Variants in LCP1 observed in about 807,000 individuals in gnomAD.
LCP1 encodes plastin-2.
Under a neutral mutation model 72.0 loss-of-function variants are expected in LCP1, and 23 were observed. The observed-to-expected ratio is 0.32, with a 90% CI of 0.23 to 0.45. LCP1 has a LOEUF of 0.45. Among genes scored for constraint, LCP1 ranks in the 20% least tolerant of loss-of-function variants. LCP1 has a pLI of 1.00. For synonymous variants in LCP1, 245 were observed against 275.4 expected, an observed-to-expected ratio of 0.89 and a Z score of 1.09; for missense variants, 571 against 748.3, an observed-to-expected ratio of 0.76 and a Z score of 2.76.
At chr13:46,177,297 TATC>T (rs2045936001) in intron 1 of LCP1, among the ~76,000 whole-genome samples, 1 of 152,250 alleles carries the variant, frequency 6.6e-6, no homozygotes, top group Admixed American at 6.5e-5. Flanking sequence ...TATTCATGTC[TATC>T]AGTCACAACA....
chr13:46,151,730 A>G (rs1206151493), intron 7 of LCP1, among the ~76,000 whole-genome samples: 3 of 152,234 alleles, frequency 2.0e-5, no homozygotes, highest in African/African-American at 7.2e-5. Context: ...ATAATATTTC[A>G]GGATTTTTCA....
chr13:46,167,907 A>C (rs1226725618), intron 1 of LCP1, among the ~76,000 whole-genome samples: 4 of 152,256 alleles, frequency 2.6e-5, no homozygotes, highest in Non-Finnish European at 4.4e-5. Flanking sequence ...TGCAATGAAA[A>C]GAGTTCTGAC....
At position 46,148,420 on chromosome 13, in the gene LCP1, C is replaced by T. The variant is rs1239396391; in HGVS notation, c.910G>A (p.Glu304Lys). ...TCATCTCCTTTTGGAGCCACCTGCT[C>T]AAGCAGGTGGTAATAAGCTTTTGAG... ...KDSKAYYHLL[E>K]QVAPKGDEEG... Residue 304 changes from glutamate to lysine, a missense_variant, in exon 9 of 16, where the codon GAG becomes AAG. Physicochemically the swap from Glu to Lys is moderately conservative, Grantham distance 56. Transcript: ENST00000323076. 2.5e-6 allele frequency: 4 copies of T among 1,611,318 alleles called. No individual in the cohort carries two copies. The highest frequency in any genetic ancestry group is 1.1e-5 in the South Asian group (1 of 90,998).
At chr13:46,158,786 A>G (rs2138261988) in intron 3 of LCP1, 40 bp downstream of exon 3, 1 of 1,606,590 alleles carries the variant, frequency 6.2e-7, no homozygotes, top group Non-Finnish European at 8.5e-7. Flanking sequence ...TCAAGTTCCA[A>G]GTTTCAAATG....
At chr13:46,148,495 C>A (rs1229713085) in intron 8 of LCP1, 48 bp from the exon 9 acceptor site, 1 of 1,091,020 alleles carries the variant, frequency 9.2e-7, no homozygotes, top group South Asian at 1.3e-5. Context: ...CAGCTAATTA[C>A]ATACTTAGCA....
At chr13:46,151,361 TA>T (rs1359429499) in intron 7 of LCP1, among the ~76,000 whole-genome samples, 1 of 152,230 alleles carries the variant, frequency 6.6e-6, no homozygotes, top group Non-Finnish European at 1.5e-5. Flanking sequence ...GGCAGAGCCA[TA>T]AAAATAACCA....
Position 46,176,875 on chromosome 13 carries a change from T to TTGTGTG in LCP1, c.-25+5230_-25+5235dup, listed in dbSNP as rs58990974. On this transcript the variant is annotated intron_variant, in intron 1 of 15. Transcript: ENST00000323076. ...TGTGTTTCCGTGTATGTGTGTTTAT[T>TTGTGTG]TGTGTGTGTGTGTGTGTGTGTGTGT... Among the ~76,000 whole-genome samples the TTGTGTG allele has an allele frequency of 4.4e-3, 629 of 143,842 alleles. 3 individuals are homozygous for TTGTGTG. The highest frequency in any genetic ancestry group is 0.015 in the African/African-American group (588 of 40,162). 94.4% of individuals were successfully genotyped at this position (143,842 alleles called of 152,430 possible).
chr13:46,143,804 C>T (rs553581466), intron 11 of LCP1, among the ~76,000 whole-genome samples: 2 of 152,334 alleles, frequency 1.3e-5, no homozygotes, highest in South Asian at 2.1e-4. Context: ...CAGTGGCTCA[C>T]GCCTGTAATC....
intron 6 of LCP1, among the ~76,000 whole-genome samples, chr13:46,154,390 T>G (rs7998742): frequency 0.1 from 15,727 of 152,244 alleles, 905 homozygotes; most frequent in African/African-American, 0.15. Flanking sequence ...GCAAGTTATA[T>G]TTATTATACT....
chr13:46,178,281 TC>T (rs1228929185), intron 1 of LCP1, among the ~76,000 whole-genome samples: 1 of 151,606 alleles, frequency 6.6e-6, no homozygotes, highest in African/African-American at 2.4e-5. Flanking sequence ...CTCCCCCCCA[TC>T]CCCCACCGAT....
At position 46,129,181 on chromosome 13, in the gene LCP1, G is replaced by A. The variant is rs114506350; in HGVS notation, c.1752-1458C>T. ...TGCCACCATGACATAACCATTCTTC[G>A]CATTTTGTGTAATTTCTTTCACCCC... On this transcript the variant is annotated intron_variant, in intron 15 of 15. Coordinates refer to ENST00000323076, the MANE Select transcript of LCP1 (RefSeq NM_002298.5). Among the ~76,000 whole-genome samples, 422 of 152,158 alleles carry A rather than the reference G, an allele frequency of 2.8e-3. 1 individual carries two copies. Among genetic ancestry groups the A allele is most frequent in the African/African-American group, 9.7e-3 (401 of 41,512 alleles).
At chr13:46,128,360 T>A (rs768694463) in intron 15 of LCP1, among the ~76,000 whole-genome samples, 30 of 152,238 alleles carry the variant, frequency 2.0e-4, no homozygotes, top group East Asian at 9.7e-4. Flanking sequence ...ACACTTCGGG[T>A]GGCCGAGGCG....
chr13:46,147,910 C>T (rs1407652956), intron 9 of LCP1, among the ~76,000 whole-genome samples: 1 of 152,096 alleles, frequency 6.6e-6, no homozygotes, highest in Non-Finnish European at 1.5e-5. Context: ...TTGTCATTTA[C>T]TTTTACTCTA....
intron 13 of LCP1, among the ~76,000 whole-genome samples, chr13:46,140,315 A>G (rs538130651): frequency 6.0e-4 from 91 of 152,334 alleles, no homozygotes; most frequent in African/African-American, 2.1e-3. Context: ...CCCACCAGAA[A>G]TGAGCCACGA....
chr13:46,157,687 C>T (rs1196567838), intron 4 of LCP1, among the ~76,000 whole-genome samples: 2 of 147,332 alleles, frequency 1.4e-5, no homozygotes, highest in East Asian at 4.0e-4. Context: ...TATTTAAAAA[C>T]AAAAGGCCAA....
rs201420767 is a variant in LCP1 at position 46,163,646 on chromosome 13, A to AC, written c.-24-3961_-24-3960insG. 1.6e-3 allele frequency among the ~76,000 whole-genome samples: 238 copies of AC among 152,048 alleles called. 1 individual carries two copies. The East Asian group carries it at 0.039, about 25-fold the overall frequency. On this transcript the variant is annotated intron_variant, in intron 1 of 15. Transcript: ENST00000323076. ...AGAATGATCAATTAAAAAAAAAAAA[A>AC]AAAAAACAATGAGTTATTAAGTATA...
intron 1 of LCP1, among the ~76,000 whole-genome samples, chr13:46,164,708 C>T (rs1438435966): frequency 1.3e-5 from 2 of 152,120 alleles, no homozygotes; most frequent in East Asian, 3.8e-4. Context: ...GGAGAGAGTC[C>T]CTTTTACCAT....
rs1024727628 is a variant in LCP1 at position 46,182,159 on chromosome 13, C to G, written c.-73G>C. ...GGTAGTACTGGTGTATGACCAGGAACCCCTTCTTTCTGATCTGCAGAACAG... is the reference window on the plus strand; with the variant it reads ...GGTAGTACTGGTGTATGACCAGGAAGCCCTTCTTTCTGATCTGCAGAACAG... On this transcript the variant is annotated 5_prime_UTR_variant, in exon 1 of 16. Coordinates refer to ENST00000323076, the MANE Select transcript of LCP1 (RefSeq NM_002298.5). 2.0e-5 allele frequency: 3 copies of G among 152,192 alleles called. No homozygotes were observed. Among genetic ancestry groups the G allele is most frequent in the Non-Finnish European group, 4.4e-5 (3 of 68,046 alleles). The allele number at this position is 152,192 out of a possible 1,614,324, so 9.4% of individuals were successfully genotyped here. A position where few individuals can be genotyped will look rare whatever the true frequency, so the allele number is the denominator to read the frequency against.
chr13:46,152,209 C>G (rs374544921), intron 7 of LCP1, among the ~76,000 whole-genome samples: 13 of 151,570 alleles, frequency 8.6e-5, no homozygotes, highest in Middle Eastern at 3.4e-3. Context: ...TTCTTTCTTT[C>G]TTTTTTGTAG....
Sources: gnomAD v4.1 joint callset for allele counts (sites outside exome capture counted in the v4.1 genomes callset) on GRCh38, gnomAD v4.1.1 for gene constraint, MANE v1.5 for transcripts, NCBI Gene and HGNC (gene_info 2026-07-23, HGNC 2026-07-21) for gene names.